Variants in TSHZ2 observed in about 807,000 individuals in gnomAD.
TSHZ2 encodes the protein teashirt zinc finger homeobox 2, also known as teashirt homolog 2.
Under a neutral mutation model 74.4 loss-of-function variants are expected in TSHZ2, and 21 were observed. That is an observed-to-expected ratio of 0.28 (90% CI 0.20 to 0.41). TSHZ2 has a LOEUF of 0.41. Ranked by LOEUF, TSHZ2 falls within the 10% of genes least tolerant of loss-of-function variation. TSHZ2 has a pLI of 1.00. For synonymous variants in TSHZ2, 540 were observed against 515.3 expected, an observed-to-expected ratio of 1.05 and a Z score of -0.65; for missense variants, 1,244 against 1,293.5, an observed-to-expected ratio of 0.96 and a Z score of 0.59.
chr20:53,268,423 G>A (rs1404700595), intron 2 of TSHZ2, among the ~76,000 whole-genome samples: 2 of 152,132 alleles, frequency 1.3e-5, no homozygotes, highest in Non-Finnish European at 2.9e-5. Flanking sequence ...ATGGCAATAC[G>A]AGGGAAGAAC....
chr20:53,245,067 A>G (rs1332164723), intron 1 of TSHZ2, among the ~76,000 whole-genome samples: 5 of 152,228 alleles, frequency 3.3e-5, no homozygotes. Context: ...GATCAGATGT[A>G]CAGTGGTTGG....
At chr20:53,179,862 T>G (rs1416017830) in intron 1 of TSHZ2, among the ~76,000 whole-genome samples, 1 of 152,182 alleles carries the variant, frequency 6.6e-6, no homozygotes, top group East Asian at 1.9e-4. Context: ...TTCACTAGAA[T>G]TTACATAGCA....
chr20:52,993,759 T>C (rs1982073194), intron 1 of TSHZ2, among the ~76,000 whole-genome samples: 1 of 152,252 alleles, frequency 6.6e-6, no homozygotes, highest in Non-Finnish European at 1.5e-5. Flanking sequence ...AAGGGCTTCC[T>C]ATAGTTTTTG....
At chr20:53,395,662 T>C (rs1270943490) in intron 2 of TSHZ2, among the ~76,000 whole-genome samples, 1 of 152,224 alleles carries the variant, frequency 6.6e-6, no homozygotes, top group Non-Finnish European at 1.5e-5. Flanking sequence ...TAATCTGAAA[T>C]TGGTCCAAGA....
chr20:53,089,410 T>C (rs1239125589), intron 1 of TSHZ2, among the ~76,000 whole-genome samples: 1 of 149,088 alleles, frequency 6.7e-6, no homozygotes, highest in African/African-American at 2.5e-5. Context: ...TTTTGCACCG[T>C]AATAGAAAGA....
chr20:53,072,411 T>C (rs1985204768), intron 1 of TSHZ2, among the ~76,000 whole-genome samples: 1 of 152,214 alleles, frequency 6.6e-6, no homozygotes, highest in Non-Finnish European at 1.5e-5. Context: ...GTTTCTCTCT[T>C]AGAAATAATA....
At chr20:53,412,511 C>T (rs1315939633) in intron 2 of TSHZ2, 2 of 152,282 alleles carry the variant, frequency 1.3e-5, no homozygotes, top group African/African-American at 4.8e-5. Flanking sequence ...ACCATCACCA[C>T]CATCCATCTC....
intron 2 of TSHZ2, among the ~76,000 whole-genome samples, chr20:53,439,918 A>G (rs1336491888): frequency 1.3e-5 from 2 of 152,222 alleles, no homozygotes; most frequent in East Asian, 3.8e-4. Flanking sequence ...TAATTAATGA[A>G]CACAAAGTGA....
chr20:53,394,716 C>A lies in TSHZ2; in HGVS notation c.*9-92428C>A, dbSNP rs372095197. Among the ~76,000 whole-genome samples the A allele has an allele frequency of 4.0e-5, 6 of 149,428 alleles. No homozygotes were observed. In the South Asian group the frequency reaches 1.3e-3, roughly 32 times the overall value. On this transcript the variant is annotated intron_variant, in intron 2 of 2. Coordinates refer to ENST00000371497, the MANE Select transcript of TSHZ2 (RefSeq NM_173485.6). ...ACAAACACACATGTTCACTTACCAGCCCCACCTCTTGCATTCAAAGCAAAC... is the reference window on the plus strand; with the variant it reads ...ACAAACACACATGTTCACTTACCAGACCCACCTCTTGCATTCAAAGCAAAC...
At chr20:53,185,675 AG>A (rs997749523) in intron 1 of TSHZ2, 73 of 1,535,972 alleles carry the variant, frequency 4.8e-5, no homozygotes, top group Admixed American at 1.2e-4. Context: ...TCCATTATAC[AG>A]GTACAACAGT....
chr20:53,478,653 T>C (rs1419004742), intron 2 of TSHZ2, among the ~76,000 whole-genome samples: 1 of 147,250 alleles, frequency 6.8e-6, no homozygotes, highest in Non-Finnish European at 1.5e-5. Context: ...CCTAAAACTT[T>C]AATAAAAAAT....
At chr20:53,094,853 A>C (rs886508656) in intron 1 of TSHZ2, among the ~76,000 whole-genome samples, 1 of 152,216 alleles carries the variant, frequency 6.6e-6, no homozygotes, top group Non-Finnish European at 1.5e-5. Flanking sequence ...GGCCCTTTGT[A>C]AAGAAAATTC....
At chr20:53,282,799 C>A (rs931297287) in intron 2 of TSHZ2, among the ~76,000 whole-genome samples, 2 of 152,210 alleles carry the variant, frequency 1.3e-5, no homozygotes, top group Non-Finnish European at 2.9e-5. Flanking sequence ...GGTGGCATTC[C>A]TGTGCCAAGC....
chr20:53,043,100 AG>A (rs1984103737), intron 1 of TSHZ2, among the ~76,000 whole-genome samples: 1 of 152,194 alleles, frequency 6.6e-6, no homozygotes, highest in Non-Finnish European at 1.5e-5. Context: ...TTCCAGTTTT[AG>A]GGGAAAAAAG....
chr20:53,101,158 A>G (rs1408040156), intron 1 of TSHZ2, among the ~76,000 whole-genome samples: 1 of 152,210 alleles, frequency 6.6e-6, no homozygotes, highest in African/African-American at 2.4e-5. Flanking sequence ...TCATGTTCCA[A>G]AAATCCTAAA....
At chr20:53,449,739 A>T (rs1984697830) in intron 2 of TSHZ2, among the ~76,000 whole-genome samples, 1 of 152,078 alleles carries the variant, frequency 6.6e-6, no homozygotes, top group Admixed American at 6.5e-5. Flanking sequence ...TTAATTATTC[A>T]TTTATTGATT....
intron 2 of TSHZ2, among the ~76,000 whole-genome samples, chr20:53,317,585 TC>T (rs1979076608): frequency 6.6e-6 from 1 of 152,286 alleles, no homozygotes; most frequent in African/African-American, 2.4e-5. Context: ...CTTTTGCAGC[TC>T]CATTTAAACA....
chr20:52,978,700 T>TA (rs904366232), intron 1 of TSHZ2, among the ~76,000 whole-genome samples: 74 of 152,274 alleles, frequency 4.9e-4, no homozygotes, highest in Admixed American at 2.0e-3. Flanking sequence ...CGACTTTTAT[T>TA]AAAAAAATCA....
At chr20:53,052,314 C>T (rs1984497619) in intron 1 of TSHZ2, among the ~76,000 whole-genome samples, 1 of 152,154 alleles carries the variant, frequency 6.6e-6, no homozygotes, top group African/African-American at 2.4e-5. Context: ...TAGTCCTTTG[C>T]CCATTAGGAG....
Sources: allele counts gnomAD v4.1 joint callset (sites outside exome capture counted in the v4.1 genomes callset), GRCh38; gene constraint gnomAD v4.1.1; transcripts MANE v1.5; gene names NCBI Gene and HGNC (gene_info 2026-07-23, HGNC 2026-07-21).